The following SPON1 variants were observed in gnomAD, a reference collection of about 807,000 sequenced individuals.
SPON1 encodes the protein spondin-1.
A neutral mutation model predicts 111.7 loss-of-function variants in SPON1; 52 were observed. The ratio of observed to expected loss-of-function variants is 0.47; its 90% confidence interval spans 0.37 to 0.59. SPON1 has a LOEUF of 0.59. Ranked by LOEUF, SPON1 falls within the 20% of genes least tolerant of loss-of-function variation. SPON1 has a pLI of 0.00. For missense variants in SPON1, 957 were observed against 1,068.5 expected, an observed-to-expected ratio of 0.90 and a Z score of 1.46; for synonymous variants, 410 against 395.8, an observed-to-expected ratio of 1.04 and a Z score of -0.43.
At chr11:14,027,681 G>A (rs778229841) in intron 2 of SPON1, among the ~76,000 whole-genome samples, 3 of 152,162 alleles carry the variant, frequency 2.0e-5, no homozygotes, top group Admixed American at 6.5e-5. Flanking sequence ...CTACTCAGGC[G>A]GAGCAGGATA....
At position 14,255,654 on chromosome 11, in the gene SPON1, A is replaced by G. The variant is rs1849098215; in HGVS notation, c.1100A>G (p.Asn367Ser). 1 of 1,613,644 alleles carries G rather than the reference A, an allele frequency of 6.2e-7. No individual in the cohort carries two copies. The highest frequency in any genetic ancestry group is 1.3e-5 in the African/African-American group (1 of 74,898). ...TDSGVTYESPNKPTIPQEKIR... is the reference protein window; with the variant it reads ...TDSGVTYESPSKPTIPQEKIR... ...CTGTATGTTTTCTTGCAGTCACCCAACAAACCCACCATTCCCCAGGAGAAA... is the reference window on the plus strand; with the variant it reads ...CTGTATGTTTTCTTGCAGTCACCCAGCAAACCCACCATTCCCCAGGAGAAA... The change falls in exon 9 of 16, where the codon AAC becomes AGC. Residue 367 changes from asparagine to serine, a missense_variant. Around this residue, in one of 5 missense-constraint regions of SPON1, gnomAD observed 549 missense variants for 606.2 expected, o/e 0.91. Coordinates refer to ENST00000576479, the MANE Select transcript of SPON1 (RefSeq NM_006108.4).
intron 5 of SPON1, among the ~76,000 whole-genome samples, chr11:14,119,316 G>A (rs1448061044): frequency 6.6e-6 from 1 of 152,128 alleles, no homozygotes; most frequent in Non-Finnish European, 1.5e-5. Context: ...AAGGGTCAAG[G>A]TAAGAGTGCA....
rs531441923 is a variant in SPON1, at chr11:14,263,624, A to C, written c.2260+649A>C. ...TAATAGAACAATGCACCAAGTGCTC[A>C]GGGAGCTGAGGAATGAGCATCATCT... On this transcript the variant is annotated intron_variant, in intron 15 of 15. Transcript: ENST00000576479. Among the ~76,000 whole-genome samples, 32 of 152,354 alleles carry C rather than the reference A, an allele frequency of 2.1e-4. No individual in the cohort carries two copies. In the East Asian group the frequency reaches 6.2e-3, roughly 29 times the overall value.
At chr11:14,126,779 C>T (rs909686702) in intron 5 of SPON1, among the ~76,000 whole-genome samples, 2 of 152,172 alleles carry the variant, frequency 1.3e-5, no homozygotes, top group Non-Finnish European at 2.9e-5. Context: ...GCTTTAACCT[C>T]GTCTCCTTTT....
intron 1 of SPON1, among the ~76,000 whole-genome samples, chr11:13,963,511 G>A (rs1294179515): frequency 6.6e-6 from 1 of 152,202 alleles, no homozygotes; most frequent in Admixed American, 6.5e-5. Context: ...TCGGTCTGGA[G>A]GGGACCCAGG....
rs1467248198 is a variant in SPON1 at position 14,113,447 on chromosome 11, G to T, written c.677-21973G>T. On this transcript the variant is annotated intron_variant, in intron 5 of 15. Coordinates refer to ENST00000576479, the MANE Select transcript of SPON1 (RefSeq NM_006108.4). ...GCCTGCTTTTGTGTTCTTAAATAAG[G>T]CTAAGAGGCTGTTCTCCTTCGCTTC... Among the ~76,000 whole-genome samples the T allele has an allele frequency of 7.2e-5, 11 of 152,126 alleles. 1 individual carries two copies. The East Asian group carries it at 1.9e-3, about 27-fold the overall frequency.
intron 5 of SPON1, among the ~76,000 whole-genome samples, chr11:14,116,759 C>T (rs1241474995): frequency 6.6e-6 from 1 of 152,016 alleles, no homozygotes; most frequent in African/African-American, 2.4e-5. Context: ...TTTTAAAAAA[C>T]CTGTTATTGA....
chr11:13,996,044 G>A (rs1848269489), intron 2 of SPON1, among the ~76,000 whole-genome samples: 1 of 152,050 alleles, frequency 6.6e-6, no homozygotes, highest in South Asian at 2.1e-4. Context: ...AAGGAGTGAA[G>A]AGTGTGTGTG....
chr11:14,094,324 C>A (rs12803696), intron 5 of SPON1, among the ~76,000 whole-genome samples: 38,681 of 151,876 alleles, frequency 0.25, 5,878 homozygotes, highest in South Asian at 0.4. Flanking sequence ...ACTGCTGGAT[C>A]AAAGGATATG....
At chr11:14,034,766 CT>C (rs1452894995) in intron 2 of SPON1, among the ~76,000 whole-genome samples, 2 of 152,218 alleles carry the variant, frequency 1.3e-5, no homozygotes, top group East Asian at 3.8e-4. Context: ...AGTTCCTCAT[CT>C]GTAAAATCTT....
chr11:14,087,678 A>T (rs548323430), intron 5 of SPON1, among the ~76,000 whole-genome samples: 1 of 152,244 alleles, frequency 6.6e-6, no homozygotes, highest in South Asian at 2.1e-4. Context: ...CCAGAGCTGA[A>T]TTAAAGTCCC....
chr11:14,046,199 C>T (rs1554917811), intron 3 of SPON1, among the ~76,000 whole-genome samples: 1 of 152,118 alleles, frequency 6.6e-6, no homozygotes, highest in Non-Finnish European at 1.5e-5. Flanking sequence ...TAGAGAGGAC[C>T]ACCCCTTTAC....
At chr11:14,211,620 G>A (rs1554936747) in intron 6 of SPON1, among the ~76,000 whole-genome samples, 2 of 152,282 alleles carry the variant, frequency 1.3e-5, no homozygotes, top group African/African-American at 2.4e-5. Flanking sequence ...CACAGAATTA[G>A]CATCTTATAT....
chr11:14,145,061 T>A (rs890251229), intron 6 of SPON1, among the ~76,000 whole-genome samples: 2 of 152,000 alleles, frequency 1.3e-5, no homozygotes, highest in South Asian at 4.2e-4. Context: ...GGGTAAGGAG[T>A]CAAATAAAGA....
At chr11:14,086,054 A>T (rs1849003480) in intron 5 of SPON1, among the ~76,000 whole-genome samples, 1 of 152,142 alleles carries the variant, frequency 6.6e-6, no homozygotes, top group Non-Finnish European at 1.5e-5. Context: ...AGCTGAGATG[A>T]TGGGGTTTTC....
In SPON1 at chr11:14,265,745, T is replaced by C; in HGVS notation, c.*58T>C. 1 of 1,561,042 alleles carries C rather than the reference T, an allele frequency of 6.4e-7. No individual in the cohort carries two copies. On this transcript the variant is annotated 3_prime_UTR_variant, in exon 16 of 16. Transcript: ENST00000576479. ...GATTCCAGAGTCACCAATGGCTGGA[T>C]TATTTGCTTGTTTAAGACAATTTAA...
intron 6 of SPON1, among the ~76,000 whole-genome samples, chr11:14,156,505 C>G (rs1847848300): frequency 6.7e-6 from 1 of 150,132 alleles, no homozygotes; most frequent in African/African-American, 2.4e-5. Flanking sequence ...TTAATTAGAT[C>G]CCATTTGTCA....
intron 6 of SPON1, among the ~76,000 whole-genome samples, chr11:14,143,121 A>G (rs926061004): frequency 2.0e-5 from 3 of 152,200 alleles, no homozygotes; most frequent in Non-Finnish European, 4.4e-5. Flanking sequence ...CACCAGAAAA[A>G]CAGGTTGATC....
chr11:13,971,040 GCT>G (rs1304038430), intron 1 of SPON1, among the ~76,000 whole-genome samples: 3 of 152,202 alleles, frequency 2.0e-5, no homozygotes, highest in Admixed American at 6.5e-5. Flanking sequence ...CCTGGTGTGA[GCT>G]CTCTAAGAGA....
Sources: allele counts gnomAD v4.1 joint callset (sites outside exome capture counted in the v4.1 genomes callset), GRCh38; gene constraint gnomAD v4.1.1; regional missense constraint gnomAD v4.1.1; transcripts MANE v1.5; gene names NCBI Gene and HGNC (gene_info 2026-07-23, HGNC 2026-07-21).